Variants in PPP2R1B observed in about 807,000 individuals in gnomAD.
The protein encoded by PPP2R1B is serine/threonine-protein phosphatase 2A 65 kDa regulatory subunit A beta isoform.
A neutral mutation model predicts 72.7 loss-of-function variants in PPP2R1B; 58 were observed. The observed-to-expected ratio is 0.80, with a 90% confidence interval of 0.65 to 0.99. The LOEUF is 0.99. Ranked by LOEUF, PPP2R1B falls within the 50% of genes least tolerant of loss-of-function variation. PPP2R1B has a pLI of 0.00. For synonymous variants in PPP2R1B, 256 were observed against 264.6 expected (o/e 0.97, Z 0.32); for missense variants, 695 against 733.6 (o/e 0.95, Z 0.61).
At chr11:111,749,309 A>C (rs2136068015) in intron 10 of PPP2R1B, among the ~76,000 whole-genome samples, 1 of 151,470 alleles carries the variant, frequency 6.6e-6, no homozygotes, top group African/African-American at 2.4e-5. Context: ...GTCGAGACGG[A>C]ATCTCTCTCT....
chr11:111,703,294 A>C, the PPP2R1B span: 1 of 1,614,210 alleles, frequency 6.2e-7, no homozygotes. Context: ...GGATGCTCAT[A>C]GAAGTTCCTG....
intron 10 of PPP2R1B, among the ~76,000 whole-genome samples, 175 bp downstream of exon 10, chr11:111,751,984 A>G (rs1359827296): frequency 1.3e-5 from 2 of 152,224 alleles, no homozygotes; most frequent in Admixed American, 1.3e-4. Context: ...TCTTAAAAGA[A>G]AAGAAACGTA....
the PPP2R1B span, among the ~76,000 whole-genome samples, chr11:111,693,331 CAA>C: frequency 8.5e-5 from 8 of 93,592 alleles, no homozygotes; most frequent in African/African-American, 8.1e-5. Context: ...GACTCCGTCT[CAA>C]AAAAAAAAAA....
rs1370422404 is a variant in PPP2R1B, at chr11:111,766,311, A to C, written c.51T>G (p.Asp17Glu). The change falls in exon 1 of 15, where the codon GAT becomes GAG. Residue 17 changes from aspartate to glutamate, a missense_variant. Coordinates refer to ENST00000527614, the MANE Select transcript of PPP2R1B (RefSeq NM_002716.5). Reference sequence around the variant, plus strand: ...CGATCGGGTATAGCGAATCATCTCCATCTCCACCCGCTGCTCCTGGGCCGG... The same window carrying C: ...CGATCGGGTATAGCGAATCATCTCCCTCTCCACCCGCTGCTCCTGGGCCGG... ...LGTGPGAAGG[D>E]GDDSLYPIAV... 1.3e-6 allele frequency: 2 copies of C among 1,561,852 alleles called. No individual in the cohort carries two copies. Among genetic ancestry groups the C allele is most frequent in the African/African-American group, 1.7e-5 (1 of 57,692 alleles).
chr11:111,766,299 C>G lies in PPP2R1B; in HGVS notation c.63G>C (p.Ser21=), dbSNP rs782480981. 6.3e-7 allele frequency: 1 copy of G among 1,588,936 alleles called. No individual in the cohort carries two copies. Among genetic ancestry groups the G allele is most frequent in the Non-Finnish European group, 8.6e-7 (1 of 1,168,988 alleles). ...PGAAGGDGDD[S]LYPIAVLIDE... is the part of the protein sequence containing the mutation. ...CGATTAAAACCGCGATCGGGTATAG[C>G]GAATCATCTCCATCTCCACCCGCTG... The change falls in exon 1 of 15, where the codon TCG becomes TCC. Residue 21 remains serine, a synonymous_variant. Transcript: ENST00000527614.
At chr11:111,735,917 A>G (rs1486673723), downstream of PPP2R1B, among the ~76,000 whole-genome samples, 1 of 152,230 alleles carries the variant, frequency 6.6e-6, no homozygotes, top group Non-Finnish European at 1.5e-5. Flanking sequence ...GCCTGGCAAC[A>G]GCCAATTCCC....
At position 111,738,878 on chromosome 11, in the gene PPP2R1B, A is replaced by ATATGTGTGTGTG. The variant is rs1944421657; in HGVS notation, c.*2717_*2718insCACACACACATA. 2.2e-6 allele frequency: 2 copies of ATATGTGTGTGTG among 911,846 alleles called. No individual in the cohort carries two copies. The highest frequency in any genetic ancestry group is 4.8e-5 in the African/African-American group (2 of 41,984). 56.5% of individuals were successfully genotyped at this position (911,846 alleles called of 1,614,324 possible). A position where few individuals can be genotyped will look rare whatever the true frequency, so the allele number is the denominator to read the frequency against. The stretch of plus-strand genomic sequence containing the variant: ...AGACATTTTTATTGGCATAGGTTAT[A>ATATGTGTGTGTG]TGTTTGTGTGTGTGTGTGTGTGTGT... On this transcript the variant is annotated 3_prime_UTR_variant, in exon 15 of 15. Coordinates refer to ENST00000527614, the MANE Select transcript of PPP2R1B (RefSeq NM_002716.5).
chr11:111,697,690 T>C, the PPP2R1B span, among the ~76,000 whole-genome samples: 1 of 152,056 alleles, frequency 6.6e-6, no homozygotes, highest in Non-Finnish European at 1.5e-5. Context: ...ATTCTTCAGA[T>C]GATTACAAAT....
chr11:111,704,237 T>A, the PPP2R1B span, among the ~76,000 whole-genome samples: 1 of 152,300 alleles, frequency 6.6e-6, no homozygotes, highest in East Asian at 1.9e-4. Context: ...GCTGGGCGTG[T>A]GATTCCACTG....
Position 111,754,644 on chromosome 11 carries a change from G to A in PPP2R1B, c.959-75C>T, listed in dbSNP as rs1390905997. ...GAGCCAAATGAGGACATTTAACCAG[G>A]TTTATCAATAATTTCAATTAAATTA... On this transcript the variant is annotated intron_variant, in intron 7 of 14. Coordinates refer to ENST00000527614, the MANE Select transcript of PPP2R1B (RefSeq NM_002716.5). 9 of 1,532,498 alleles carry A rather than the reference G, an allele frequency of 5.9e-6. 1 individual carries two copies. The highest frequency in any genetic ancestry group is 5.2e-6 in the Non-Finnish European group (6 of 1,147,248). The allele number at this position is 1,532,498 out of a possible 1,614,324, so 94.9% of individuals were successfully genotyped here.
chr11:111,752,191 T>C lies in PPP2R1B; in HGVS notation c.1306A>G (p.Ile436Val), dbSNP rs782795688. The C allele has an allele frequency of 1.2e-6, 2 of 1,613,594 alleles. No individual in the cohort carries two copies. Among genetic ancestry groups the C allele is most frequent in the East Asian group, 4.5e-5 (2 of 44,896 alleles). ...DAKWRVRLAI[I>V]EYMPLLAGQL... ...CCTGCCAGCAGCGGCATATACTCAA[T>C]GATGGCCAGGCGGACCCTCCATTTG... is the stretch of plus-strand genomic sequence containing the variant. Residue 436 changes from isoleucine (I) to valine (V), a missense_variant, in exon 10 of 15, where the codon ATT becomes GTT. Ile to Val is a conservative substitution (Grantham distance 29, BLOSUM62 3). Transcript: ENST00000527614.
the PPP2R1B span, among the ~76,000 whole-genome samples, chr11:111,718,179 T>G: frequency 1.3e-5 from 2 of 152,242 alleles, no homozygotes; most frequent in Non-Finnish European, 2.9e-5. Flanking sequence ...AGATAATTAA[T>G]TAATGATCTT....
chr11:111,737,492 T>A (rs61756429), downstream of PPP2R1B: 11,719 of 1,614,200 alleles, frequency 7.3e-3, 77 homozygotes, highest in Middle Eastern at 0.016. Context: ...GGGAAGTGGT[T>A]CTTGTCAGCC....
chr11:111,764,713 T>A lies in PPP2R1B; in HGVS notation c.306+92A>T, dbSNP rs1945454148. The A allele has an allele frequency of 4.7e-6, 6 of 1,268,724 alleles. No homozygotes were observed. In the South Asian group the frequency reaches 5.2e-5, roughly 11 times the overall value. The allele number at this position is 1,268,724 out of a possible 1,614,324, so 78.6% of individuals were successfully genotyped here. ...CTATCTGCCCATAAAAAGATCTGCA[T>A]AAAAAATGCTGCAGTGTGTCTATCA... On this transcript the variant is annotated intron_variant, in intron 3 of 14. Transcript: ENST00000527614.
intron 11 of PPP2R1B, 114 bp from the exon 12 acceptor site, chr11:111,743,644 G>T: frequency 8.2e-7 from 1 of 1,222,768 alleles, no homozygotes; most frequent in Non-Finnish European, 1.1e-6. Flanking sequence ...TCTGCAATCA[G>T]ACTCCACATG....
chr11:111,741,308 G>A lies in PPP2R1B; in HGVS notation c.*288C>T, dbSNP rs769982919. The A allele has an allele frequency of 2.7e-5, 33 of 1,216,392 alleles. No individual in the cohort carries two copies. Among genetic ancestry groups the A allele is most frequent in the Non-Finnish European group, 3.3e-5 (32 of 974,444 alleles). 75.3% of individuals were successfully genotyped at this position (1,216,392 alleles called of 1,614,324 possible). ...GGCTGGTGCCTGATTCCACAGTGAG[G>A]ATGCAGGAGCCCAGGTGGTGATGGA... On this transcript the variant is annotated 3_prime_UTR_variant, in exon 15 of 15. Transcript: ENST00000527614.
At chr11:111,732,697 CAAAT>C (rs1396074242) in intron 15 of PPP2R1B, among the ~76,000 whole-genome samples, 4 of 152,266 alleles carry the variant, frequency 2.6e-5, no homozygotes, top group Non-Finnish European at 5.9e-5. Flanking sequence ...TCTCAAAAAA[CAAAT>C]AAACAAACAA....
intron 5 of PPP2R1B, among the ~76,000 whole-genome samples, chr11:111,756,197 G>T (rs1291763012): frequency 7.1e-6 from 1 of 140,798 alleles, no homozygotes; most frequent in African/African-American, 2.7e-5. Context: ...GCGACAGAGT[G>T]ACACTCTGTC....
At chr11:111,688,412 G>A in the PPP2R1B span, among the ~76,000 whole-genome samples, 3 of 152,168 alleles carry the variant, frequency 2.0e-5, no homozygotes, top group Non-Finnish European at 2.9e-5. The surrounding 1 kb of genome is among the most constrained non-coding windows in gnomAD (Gnocchi z 4.2). Flanking sequence ...GCAGGGTTTC[G>A]GGGTGCTCTG....
Sources: allele counts gnomAD v4.1 joint callset (sites outside exome capture counted in the v4.1 genomes callset), GRCh38; gene constraint gnomAD v4.1.1; non-coding constraint Gnocchi (gnomAD v3.1); transcripts MANE v1.5; gene names NCBI Gene and HGNC (gene_info 2026-07-23, HGNC 2026-07-21).